The following TRIM4 variants were observed in gnomAD, a reference collection of about 807,000 sequenced individuals.
TRIM4 encodes E3 ubiquitin-protein ligase TRIM4.
TRIM4 carries 29 observed loss-of-function variants against 33.7 expected under a neutral mutation model. The ratio of observed to expected loss-of-function variants is 0.86; its 90% CI spans 0.64 to 1.17. The LOEUF is 1.17. Among genes scored for constraint, TRIM4 ranks in the 50% most tolerant of loss-of-function variants. The probability of loss-of-function intolerance (pLI) is 0.00; values close to 1 mark genes in which losing one functional copy is unlikely to be tolerated. For synonymous variants in TRIM4, 224 were observed against 233.0 expected (o/e 0.96, Z 0.35); for missense variants, 554 against 593.7 (o/e 0.93, Z 0.69).
At chr7:99,900,274 G>T (rs1214188541) in intron 5 of TRIM4, among the ~76,000 whole-genome samples, 1 of 152,150 alleles carries the variant, frequency 6.6e-6, no homozygotes, top group Admixed American at 6.5e-5. Context: ...CCATCAGAAA[G>T]GTCAAGCCTT....
chr7:99,893,267 T>TA (rs112791366), intron 5 of TRIM4, among the ~76,000 whole-genome samples: 1,585 of 146,444 alleles, frequency 0.011, 24 homozygotes, highest in African/African-American at 0.032. Flanking sequence ...ATTCTATCTT[T>TA]AAAAAAAAAA....
chr7:99,905,974 G>A (rs1237602804), intron 3 of TRIM4, among the ~76,000 whole-genome samples: 4 of 151,496 alleles, frequency 2.6e-5, no homozygotes, highest in African/African-American at 7.3e-5. Context: ...GCAAAACCCC[G>A]TCTCTACCAA....
At chr7:99,917,773 G>A (rs1333301998) in intron 1 of TRIM4, 1 of 959,048 alleles carries the variant, frequency 1.0e-6, no homozygotes, top group East Asian at 1.2e-4. Flanking sequence ...TGTACTTACT[G>A]CATATCAATT....
chr7:99,917,131 C>G (rs1355315367), intron 1 of TRIM4, among the ~76,000 whole-genome samples: 1 of 152,264 alleles, frequency 6.6e-6, no homozygotes, highest in Non-Finnish European at 1.5e-5. Context: ...TCAGTGATCA[C>G]TCCGACCTCA....
chr7:99,901,917 G>A (rs948835657), intron 5 of TRIM4: 14 of 591,592 alleles, frequency 2.4e-5, no homozygotes, highest in South Asian at 6.4e-5. Context: ...AGTACTTTGC[G>A]AACTCTCACT....
chr7:99,917,888 A>T (rs942497520), intron 1 of TRIM4: 1 of 981,200 alleles, frequency 1.0e-6, no homozygotes, highest in Admixed American at 6.1e-5. Context: ...AAAAGGATCT[A>T]AAGGATAGAT....
chr7:99,903,661 T>C, intron 3 of TRIM4, 63 bp from the exon 4 acceptor site: 1 of 1,589,574 alleles, frequency 6.3e-7, no homozygotes, highest in Non-Finnish European at 8.6e-7. Flanking sequence ...GGAATACAAC[T>C]GTGTGAGCAG....
At chr7:99,915,001 G>A (rs866448207) in intron 1 of TRIM4, among the ~76,000 whole-genome samples, 1 of 151,972 alleles carries the variant, frequency 6.6e-6, no homozygotes, top group Non-Finnish European at 1.5e-5. Context: ...GTAAAGACAG[G>A]GTTTCACCAT....
At chr7:99,911,728 A>C (rs779269024) in intron 1 of TRIM4, among the ~76,000 whole-genome samples, 14 of 152,232 alleles carry the variant, frequency 9.2e-5, no homozygotes, top group Non-Finnish European at 1.9e-4. Context: ...CCATTTTGGA[A>C]GAAGGTTCAG....
chr7:99,909,455 ACT>A (rs2151649604), intron 2 of TRIM4, 108 bp downstream of exon 2: 1 of 819,898 alleles, frequency 1.2e-6, no homozygotes, highest in East Asian at 2.6e-5. Context: ...GGCATCCAAG[ACT>A]CTACGTGAAC....
At chr7:99,911,193 G>A (rs561839231) in intron 1 of TRIM4, among the ~76,000 whole-genome samples, 4 of 152,180 alleles carry the variant, frequency 2.6e-5, no homozygotes, top group Admixed American at 6.5e-5. Flanking sequence ...AGCCTTGGGT[G>A]AGCGTAAAAT....
Position 99,892,480 on chromosome 7 carries a change from C to T in TRIM4, c.1108G>A (p.Val370Met), listed in dbSNP as rs1818915063. 2 of 1,614,054 alleles carry T rather than the reference C, an allele frequency of 1.2e-6. No individual in the cohort carries two copies. The highest frequency in any genetic ancestry group is 1.7e-6 in the Non-Finnish European group (2 of 1,180,046). Reference sequence around the variant, plus strand: ...ATTCCCATGACGTCCTCCCGACACACCCCAACAGCAACCTCCAGACTATCT... The same window carrying T: ...ATTCCCATGACGTCCTCCCGACACATCCCAACAGCAACCTCCAGACTATCT... ...SRDSLEVAVG[V>M]CREDVMGITD... is the part of the protein sequence containing the mutation. Residue 370 changes from valine to methionine, a missense_variant, in exon 6 of 6, where the codon GTG (valine) becomes ATG (methionine). Val to Met is a conservative substitution (Grantham distance 21). This residue lies in a region of TRIM4 where 290 missense variants were observed against 335.8 expected (regional missense o/e 0.86). Coordinates refer to ENST00000349062, the MANE Select transcript of TRIM4 (RefSeq NM_033091.3).
intron 3 of TRIM4, among the ~76,000 whole-genome samples, 200 bp from the exon 4 acceptor site, chr7:99,903,798 G>A (rs958498698): frequency 9.2e-5 from 14 of 151,998 alleles, no homozygotes; most frequent in South Asian, 6.2e-4. Context: ...TGCTGCCTGC[G>A]CCCCTCCTCT....
At chr7:99,909,461 C>A (rs769067170) in intron 2 of TRIM4, 104 bp downstream of exon 2, 2 of 892,658 alleles carry the variant, frequency 2.2e-6, no homozygotes, top group South Asian at 3.1e-5. Flanking sequence ...CAAGACTCTA[C>A]GTGAACTGCA....
At chr7:99,899,028 A>G (rs1401900222) in intron 5 of TRIM4, among the ~76,000 whole-genome samples, 1 of 152,202 alleles carries the variant, frequency 6.6e-6, no homozygotes, top group Non-Finnish European at 1.5e-5. Flanking sequence ...GTTGCAGAGA[A>G]TGACGTGATA....
chr7:99,919,297 G>T lies in TRIM4; in HGVS notation c.105C>A (p.Cys35Ter), dbSNP rs755434027. 6.4e-7 allele frequency: 1 copy of T among 1,554,548 alleles called. No individual in the cohort carries two copies. The highest frequency in any genetic ancestry group is 1.4e-5 in the African/African-American group (1 of 72,426). The part of the protein sequence containing the change: ...IECGHNFCRG[C>*]LHRNWAPGGG... Reference sequence around the variant, plus strand: ...CGCCCGGCGCCCAGTTGCGGTGCAGGCAGCCGCGGCAGAAGTTGTGGCCGC... The same window carrying T: ...CGCCCGGCGCCCAGTTGCGGTGCAGTCAGCCGCGGCAGAAGTTGTGGCCGC... The change falls in exon 1 of 6, where the codon TGC becomes TGA. Residue 35 changes from cysteine to a stop codon, truncating the protein, a stop_gained. Transcript: ENST00000349062. LOFTEE classifies it high-confidence loss of function.
intron 5 of TRIM4, among the ~76,000 whole-genome samples, chr7:99,893,798 A>G (rs1818950686): frequency 6.6e-6 from 1 of 151,768 alleles, no homozygotes; most frequent in African/African-American, 2.4e-5. Context: ...CTCCAGTGTC[A>G]CTCAATGTGT....
intron 5 of TRIM4, among the ~76,000 whole-genome samples, chr7:99,898,120 C>T (rs1477516887): frequency 2.0e-5 from 3 of 152,186 alleles, no homozygotes; most frequent in African/African-American, 7.2e-5. Context: ...TAAGTCTCAC[C>T]CACTTCCCTT....
At chr7:99,898,571 T>C (rs966810560) in intron 5 of TRIM4, among the ~76,000 whole-genome samples, 8 of 152,316 alleles carry the variant, frequency 5.3e-5, no homozygotes, top group African/African-American at 9.6e-5. Flanking sequence ...TTCTGTCCCA[T>C]TGAGACACCA....
Sources: allele counts gnomAD v4.1 joint callset (sites outside exome capture counted in the v4.1 genomes callset), GRCh38; gene constraint gnomAD v4.1.1; regional missense constraint gnomAD v4.1.1; transcripts MANE v1.5; gene names NCBI Gene and HGNC (gene_info 2026-07-23, HGNC 2026-07-21).